Variants in ABCA13 observed in about 807,000 individuals in gnomAD.
ABCA13 encodes ATP-binding cassette sub-family A member 13.
In ABCA13, 476 loss-of-function variants were observed where a neutral mutation model predicts 478.7. The ratio of observed to expected loss-of-function variants is 0.99; its 90% CI spans 0.92 to 1.07. ABCA13 has a LOEUF of 1.07. Ranked by LOEUF, ABCA13 falls within the 50% of genes least tolerant of loss-of-function variation. The probability of loss-of-function intolerance (pLI) is 0.00; values close to 1 mark genes in which losing one functional copy is unlikely to be tolerated. For synonymous variants in ABCA13, 2,252 were observed against 2,158.9 expected, an observed-to-expected ratio of 1.04 and a Z score of -1.20; for missense variants, 6,060 against 5,910.6, an observed-to-expected ratio of 1.03 and a Z score of -0.83.
At chr7:48,611,779 T>G (rs1350006642) in intron 58 of ABCA13, 1 of 152,158 alleles carries the variant, frequency 6.6e-6, no homozygotes, top group East Asian at 1.9e-4. Flanking sequence ...ACAAACCATA[T>G]CAGACCTCCA....
chr7:48,271,236 T>C (rs1195326035), intron 16 of ABCA13, among the ~76,000 whole-genome samples: 3 of 152,234 alleles, frequency 2.0e-5, no homozygotes, highest in African/African-American at 7.2e-5. Context: ...TCTGAGTTGC[T>C]CTTCTGAGAA....
intron 42 of ABCA13, among the ~76,000 whole-genome samples, chr7:48,440,252 G>A (rs1278549689): frequency 6.6e-6 from 1 of 152,056 alleles, no homozygotes; most frequent in Non-Finnish European, 1.5e-5. Flanking sequence ...TACTTCAGCA[G>A]GCACCCTCAC....
In ABCA13 at chr7:48,235,123, C is replaced by A. The variant is rs529768248; in HGVS notation, c.897+972C>A. The stretch of plus-strand genomic sequence containing the variant: ...CTCATGCTGGCTTGGTGTTTGAAAA[C>A]CCAGTTCTACCAGGTAGGTTTAGGC... On this transcript the variant is annotated intron_variant, in intron 8 of 61. Transcript: ENST00000435803. Among the ~76,000 whole-genome samples the A allele has an allele frequency of 3.9e-5, 6 of 152,248 alleles. No homozygotes were observed. In the East Asian group the frequency reaches 9.7e-4, roughly 25 times the overall value.
At chr7:48,239,468 C>T in intron 9 of ABCA13, 63 bp downstream of exon 9, 8 of 1,503,246 alleles carry the variant, frequency 5.3e-6, no homozygotes, top group Non-Finnish European at 6.2e-6. Context: ...CAAATCCATT[C>T]TCCTCCCCTG....
intron 3 of ABCA13, among the ~76,000 whole-genome samples, chr7:48,210,384 G>A (rs1358721573): frequency 1.3e-5 from 2 of 152,116 alleles, no homozygotes; most frequent in African/African-American, 4.8e-5. Flanking sequence ...GAGATTTTGG[G>A]TGGGGACATG....
chr7:48,520,205 G>T lies in ABCA13; in HGVS notation c.13962G>T (p.Leu4654=), dbSNP rs1455137273. Residue 4654 remains leucine, a synonymous_variant, in exon 53 of 62, where the codon CTG becomes CTT. Transcript: ENST00000435803. ...TGAGTCCCTTTGAGATGAACTTTCT[G>T]GGCTGGATCTTCGTGCAACTGGCCT... The part of the protein sequence containing the change: ...SYVSPFEMNF[L]GWIFVQLASQ... 6.2e-7 allele frequency: 1 copy of T among 1,613,444 alleles called. No homozygotes were observed. The highest frequency in any genetic ancestry group is 1.3e-5 in the African/African-American group (1 of 74,832).
At chr7:48,616,879 T>C (rs1792627610) in intron 59 of ABCA13, among the ~76,000 whole-genome samples, 3 of 151,940 alleles carry the variant, frequency 2.0e-5, no homozygotes, top group Admixed American at 2.0e-4. Flanking sequence ...TAAAAATTAA[T>C]TTTAAAAAAT....
intron 55 of ABCA13, among the ~76,000 whole-genome samples, chr7:48,542,801 G>T (rs915052729): frequency 6.6e-6 from 1 of 151,682 alleles, no homozygotes; most frequent in Non-Finnish European, 1.5e-5. Flanking sequence ...AGAGAATAGA[G>T]TAGGCTTTAC....
rs1825568667 is a variant in ABCA13, at chr7:48,455,524, C to G, written c.12815+238C>G. 3.9e-5 allele frequency among the ~76,000 whole-genome samples: 6 copies of G among 152,268 alleles called. No homozygotes were observed. The South Asian group carries it at 1.2e-3, about 32-fold the overall frequency. On this transcript the variant is annotated intron_variant, in intron 43 of 61. Transcript: ENST00000435803. ...GGTCTCCGAATCCTGAGCCCCTGAC[C>G]CCTCCTCATGGTGGCCGAGTCCCTG...
rs183397806 is a variant in ABCA13 at position 48,551,812 on chromosome 7, C to T, written c.14354+23467C>T. The stretch of plus-strand genomic sequence containing the variant: ...TGACTACCAGAGAGTAGGTTTCAGC[C>T]TTCCCTTCTGAAAGACAAGAATGCA... On this transcript the variant is annotated intron_variant, in intron 55 of 61. Transcript: ENST00000435803. Among the ~76,000 whole-genome samples the T allele has an allele frequency of 2.0e-5, 3 of 151,796 alleles. No individual in the cohort carries two copies. The East Asian group carries it at 5.8e-4, about 29-fold the overall frequency.
rs541774691 is a variant in ABCA13 at position 48,344,249 on chromosome 7, T to C, written c.10204+5794T>C. On this transcript the variant is annotated intron_variant, in intron 29 of 61. Transcript: ENST00000435803. ...CCTAACAGGTAGAGGCTAGGGGTAC[T>C]GCTAAACATCCTACACTGCATGGAA... Among the ~76,000 whole-genome samples the C allele has an allele frequency of 7.9e-5, 12 of 152,314 alleles. No individual in the cohort carries two copies. The South Asian group carries it at 2.5e-3, about 32-fold the overall frequency.
intron 59 of ABCA13, among the ~76,000 whole-genome samples, chr7:48,629,632 A>T (rs1409718175): frequency 6.6e-6 from 1 of 151,846 alleles, no homozygotes; most frequent in Non-Finnish European, 1.5e-5. Context: ...TGGCTTAAAA[A>T]ATCATTTGCC....
intron 25 of ABCA13, 100 bp downstream of exon 25, chr7:48,313,331 T>G: frequency 8.1e-7 from 1 of 1,230,676 alleles, no homozygotes; most frequent in Admixed American, 2.4e-5. Context: ...AAATTTGCAT[T>G]AGACAGCAAA....
chr7:48,394,600 C>T (rs1453903115), intron 38 of ABCA13, among the ~76,000 whole-genome samples: 1 of 152,216 alleles, frequency 6.6e-6, no homozygotes, highest in African/African-American at 2.4e-5. Context: ...AGATAGCAAA[C>T]CCCTTGACTA....
At chr7:48,555,307 A>G (rs1029968747) in intron 55 of ABCA13, among the ~76,000 whole-genome samples, 3 of 151,352 alleles carry the variant, frequency 2.0e-5, no homozygotes, top group Non-Finnish European at 3.0e-5. Context: ...TTTTTGATAT[A>G]TTGTCTGATG....
intron 59 of ABCA13, among the ~76,000 whole-genome samples, chr7:48,634,702 T>C (rs1212969730): frequency 6.6e-6 from 1 of 152,176 alleles, no homozygotes; most frequent in Non-Finnish European, 1.5e-5. Flanking sequence ...CTTTTTCCAG[T>C]TTCTTAAGGT....
chr7:48,509,673 C>T (rs1831509145), intron 50 of ABCA13, among the ~76,000 whole-genome samples: 1 of 152,136 alleles, frequency 6.6e-6, no homozygotes, highest in African/African-American at 2.4e-5. Context: ...TCTATTCAAT[C>T]ACTAATTTAA....
chr7:48,461,781 G>A (rs1037987388), intron 43 of ABCA13, among the ~76,000 whole-genome samples: 2 of 152,150 alleles, frequency 1.3e-5, no homozygotes, highest in Non-Finnish European at 2.9e-5. Context: ...ATTGTGGACA[G>A]TGAACTCACA....
At chr7:48,332,921 C>T (rs1442137656) in intron 27 of ABCA13, among the ~76,000 whole-genome samples, 1 of 152,278 alleles carries the variant, frequency 6.6e-6, no homozygotes, top group Non-Finnish European at 1.5e-5. Context: ...ATGTAGATTT[C>T]TCTCAGTTTA....
Sources: gnomAD v4.1 joint callset for allele counts (sites outside exome capture counted in the v4.1 genomes callset) on GRCh38, gnomAD v4.1.1 for gene constraint, MANE v1.5 for transcripts, NCBI Gene and HGNC (gene_info 2026-07-23, HGNC 2026-07-21) for gene names.